Variants in SEMA4D observed in about 807,000 individuals in gnomAD.
The protein encoded by SEMA4D is semaphorin 4D.
In SEMA4D, 22 loss-of-function variants were observed where a neutral mutation model predicts 74.8. That is an observed-to-expected ratio of 0.29 (90% CI 0.21 to 0.42). The LOEUF (loss-of-function observed/expected upper bound fraction) is 0.42. SEMA4D is among the 10% of genes least tolerant of loss of function. SEMA4D has a pLI of 1.00. For missense variants in SEMA4D, 937 were observed against 1,118.4 expected, an observed-to-expected ratio of 0.84 and a Z score of 2.31; for synonymous variants, 445 against 463.7, an observed-to-expected ratio of 0.96 and a Z score of 0.52.
intron 13 of SEMA4D, chr9:89,384,533 G>T: frequency 4.4e-6 from 2 of 456,928 alleles, no homozygotes; most frequent in Non-Finnish European, 5.8e-6. Flanking sequence ...TGTTTGGGAA[G>T]ATGAAAAGCA....
intron 4 of SEMA4D, 111 bp downstream of exon 4, chr9:89,402,760 G>T: frequency 2.5e-6 from 3 of 1,205,216 alleles, no homozygotes; most frequent in Non-Finnish European, 2.4e-6. Context: ...CATGGTCACA[G>T]CTACAGAATG....
chr9:89,384,428 G>A (rs954048332), intron 13 of SEMA4D, among the ~76,000 whole-genome samples: 2 of 152,212 alleles, frequency 1.3e-5, no homozygotes, highest in Non-Finnish European at 2.9e-5. Flanking sequence ...CCACTCATAT[G>A]AGGTACCCAG....
chr9:89,392,171 G>A (rs934695185), intron 8 of SEMA4D, among the ~76,000 whole-genome samples: 2 of 152,200 alleles, frequency 1.3e-5, no homozygotes, highest in Admixed American at 1.3e-4. Flanking sequence ...TTTTATGAGA[G>A]TCTCCCAAAT....
intron 2 of SEMA4D, among the ~76,000 whole-genome samples, chr9:89,453,872 T>TC (rs977585846): frequency 9.9e-5 from 15 of 151,334 alleles, no homozygotes; most frequent in Non-Finnish European, 1.9e-4. Context: ...TTTTTTTTTT[T>TC]TTTGAGATGG....
At chr9:89,370,466 GGTTT>G (rs1307637347) in intron 16 of SEMA4D, among the ~76,000 whole-genome samples, 2 of 149,474 alleles carry the variant, frequency 1.3e-5, no homozygotes, top group East Asian at 4.0e-4. Flanking sequence ...GTGTGTGTCT[GGTTT>G]GTGTGTGTGG....
chr9:89,424,870 G>A (rs1262181968), intron 2 of SEMA4D, among the ~76,000 whole-genome samples: 3 of 152,152 alleles, frequency 2.0e-5, no homozygotes, highest in Non-Finnish European at 4.4e-5. Context: ...GGACTTACAA[G>A]GCATGCTTAT....
intron 2 of SEMA4D, chr9:89,449,682 GGT>G (rs1352179869): frequency 9.9e-6 from 15 of 1,513,982 alleles, no homozygotes; most frequent in Non-Finnish European, 1.3e-5. Context: ...ATCTAGCTCA[GGT>G]GTGTCAGTAC....
exon 17 of SEMA4D, chr9:89,363,744 G>A (rs771608568): frequency 7.4e-6 from 12 of 1,612,174 alleles, no homozygotes; most frequent in Non-Finnish European, 1.0e-5. Flanking sequence ...CACTTACCAG[G>A]TCTCATCACA....
At chr9:89,385,014 T>C (rs1838113494) in intron 13 of SEMA4D, 2 of 984,916 alleles carry the variant, frequency 2.0e-6, no homozygotes, top group African/African-American at 3.5e-5. Flanking sequence ...GGTCGGGTGG[T>C]CCAGTAGGAC....
intron 2 of SEMA4D, among the ~76,000 whole-genome samples, chr9:89,440,630 G>A (rs190178791): frequency 6.2e-4 from 94 of 152,240 alleles, no homozygotes; most frequent in African/African-American, 2.1e-3. Context: ...TGAGCTCCCC[G>A]GCACCTCGTG....
intron 1 of SEMA4D, among the ~76,000 whole-genome samples, chr9:89,491,804 C>A (rs1017829662): frequency 3.3e-5 from 5 of 152,174 alleles, no homozygotes; most frequent in Admixed American, 6.5e-5. Flanking sequence ...CCAGCACTCA[C>A]TAAGGTGATG....
intron 1 of SEMA4D, among the ~76,000 whole-genome samples, chr9:89,475,550 C>T (rs1267676207): frequency 6.6e-6 from 1 of 152,220 alleles, no homozygotes. Context: ...CAACACTGCA[C>T]CTGATGGAAA....
At chr9:89,429,927 A>G (rs1587829021) in intron 2 of SEMA4D, among the ~76,000 whole-genome samples, 1 of 152,156 alleles carries the variant, frequency 6.6e-6, no homozygotes, top group East Asian at 1.9e-4. Context: ...AGCTTTGCCA[A>G]ATAGTAGCAC....
intron 2 of SEMA4D, among the ~76,000 whole-genome samples, chr9:89,429,676 G>T (rs1848834511): frequency 6.6e-6 from 1 of 152,166 alleles, no homozygotes; most frequent in South Asian, 2.1e-4. Context: ...CTGGGTCCCA[G>T]CCGGGTGACA....
At chr9:89,490,342 T>C (rs1267623133) in intron 1 of SEMA4D, among the ~76,000 whole-genome samples, 2 of 152,220 alleles carry the variant, frequency 1.3e-5, no homozygotes, top group South Asian at 2.1e-4. Flanking sequence ...AAAAACATTA[T>C]GCAGAGTGAA....
intron 18 of SEMA4D, chr9:89,363,388 T>G (rs781409763): frequency 6.3e-7 from 1 of 1,593,070 alleles, no homozygotes; most frequent in African/African-American, 1.3e-5. Context: ...GCCCTGCCCC[T>G]GGCTCCAGCC....
downstream of SEMA4D, among the ~76,000 whole-genome samples, chr9:89,373,583 C>T (rs117467718): frequency 4.4e-3 from 668 of 152,300 alleles, 2 homozygotes; most frequent in East Asian, 0.01. Flanking sequence ...CCACGAATGT[C>T]CTCTTAAGTT....
intron 1 of SEMA4D, among the ~76,000 whole-genome samples, chr9:89,480,117 T>C (rs1440185032): frequency 3.6e-4 from 55 of 151,914 alleles, no homozygotes; most frequent in Admixed American, 2.0e-4. Flanking sequence ...AGAGTGTCGA[T>C]TGGTGCACTC....
intron 1 of SEMA4D, among the ~76,000 whole-genome samples, chr9:89,461,901 C>G (rs966559235): frequency 6.6e-6 from 1 of 151,948 alleles, no homozygotes; most frequent in Non-Finnish European, 1.5e-5. Context: ...CAGGGTTTCA[C>G]CATGTTGGTC....
Sources: allele counts gnomAD v4.1 joint callset (sites outside exome capture counted in the v4.1 genomes callset), GRCh38; gene constraint gnomAD v4.1.1; transcripts MANE v1.5; gene names NCBI Gene and HGNC (gene_info 2026-07-23, HGNC 2026-07-21).